Variants in TAS2R1 observed in about 807,000 individuals in gnomAD.
TAS2R1 encodes taste receptor type 2 member 1.
For synonymous variants in TAS2R1, 141 were observed against 134.2 expected, an observed-to-expected ratio of 1.05 and a Z score of -0.35; for missense variants, 370 against 353.4, an observed-to-expected ratio of 1.05 and a Z score of -0.38.
At chr5:9,726,824 G>A in the TAS2R1 span, among the ~76,000 whole-genome samples, 2 of 152,214 alleles carry the variant, frequency 1.3e-5, no homozygotes, top group Non-Finnish European at 2.9e-5. Context: ...CAGAGAAGCT[G>A]AACACGAAAG....
At chr5:9,802,269 C>T in the TAS2R1 span, among the ~76,000 whole-genome samples, 1 of 152,116 alleles carries the variant, frequency 6.6e-6, no homozygotes, top group African/African-American at 2.4e-5. Context: ...CAGATGTTCC[C>T]CAGTACCAGC....
At chr5:9,708,716 T>A (rs751972290) in intron 1 of TAS2R1, among the ~76,000 whole-genome samples, 8 of 152,184 alleles carry the variant, frequency 5.3e-5, no homozygotes, top group Non-Finnish European at 1.2e-4. Context: ...AGATAAGGCC[T>A]TTCTCTCTCC....
At chr5:9,685,105 G>T (rs1396799595) in intron 1 of TAS2R1, among the ~76,000 whole-genome samples, 1 of 152,178 alleles carries the variant, frequency 6.6e-6, no homozygotes, top group Admixed American at 6.5e-5. Context: ...TATCTGGAGA[G>T]CAGAAGGGTC....
chr5:9,741,295 G>C, the TAS2R1 span, among the ~76,000 whole-genome samples: 3 of 152,110 alleles, frequency 2.0e-5, no homozygotes, highest in Non-Finnish European at 4.4e-5. Flanking sequence ...CAGAGACAGA[G>C]ATCCAAAGAA....
chr5:9,709,587 T>C (rs2126531930), intron 1 of TAS2R1, among the ~76,000 whole-genome samples: 1 of 152,326 alleles, frequency 6.6e-6, no homozygotes, highest in East Asian at 1.9e-4. Context: ...AAAGACACTG[T>C]GGCTTCCGTC....
At chr5:9,754,357 A>T in the TAS2R1 span, among the ~76,000 whole-genome samples, 2 of 152,220 alleles carry the variant, frequency 1.3e-5, no homozygotes. Flanking sequence ...CAAGACAGGG[A>T]TGCCCTCTCT....
the TAS2R1 span, among the ~76,000 whole-genome samples, chr5:9,858,256 G>T: frequency 6.6e-6 from 1 of 152,126 alleles, no homozygotes; most frequent in African/African-American, 2.4e-5. Context: ...TAGTCCTATA[G>T]GTTCAGTCCA....
At chr5:9,862,702 C>G in the TAS2R1 span, among the ~76,000 whole-genome samples, 2 of 152,092 alleles carry the variant, frequency 1.3e-5, no homozygotes, top group Non-Finnish European at 2.9e-5. Flanking sequence ...CCATCTCTTG[C>G]CCCCTGGGCT....
At chr5:9,654,026 G>A (rs1219185956) in intron 2 of TAS2R1, among the ~76,000 whole-genome samples, 2 of 152,166 alleles carry the variant, frequency 1.3e-5, no homozygotes, top group African/African-American at 4.8e-5. Flanking sequence ...GCTCAGCTGA[G>A]CTGCTCTGGT....
the TAS2R1 span, among the ~76,000 whole-genome samples, chr5:9,780,094 C>T: frequency 1.3e-5 from 2 of 152,196 alleles, no homozygotes; most frequent in Admixed American, 6.5e-5. Context: ...TCAGTTTTCC[C>T]CCTTTCTACA....
At chr5:9,875,679 G>A in the TAS2R1 span, among the ~76,000 whole-genome samples, 3 of 152,316 alleles carry the variant, frequency 2.0e-5, no homozygotes, top group Non-Finnish European at 4.4e-5. Context: ...CAATGGCTCA[G>A]ATGTGTGGCT....
chr5:9,790,087 C>T, the TAS2R1 span, among the ~76,000 whole-genome samples: 1 of 152,214 alleles, frequency 6.6e-6, no homozygotes, highest in African/African-American at 2.4e-5. Context: ...AAGTATGCTC[C>T]TCTCACATGC....
intron 1 of TAS2R1, among the ~76,000 whole-genome samples, chr5:9,686,028 G>C (rs1265656645): frequency 1.3e-5 from 2 of 152,140 alleles, no homozygotes; most frequent in African/African-American, 4.8e-5. Context: ...ATTATGCCCA[G>C]GTAATTTTAT....
At chr5:9,735,893 C>T in the TAS2R1 span, among the ~76,000 whole-genome samples, 1 of 152,210 alleles carries the variant, frequency 6.6e-6, no homozygotes, top group East Asian at 1.9e-4. Flanking sequence ...CTCTAACTTG[C>T]TTCCACCTTC....
chr5:9,670,808 T>C (rs969515957), intron 1 of TAS2R1, among the ~76,000 whole-genome samples: 1 of 152,160 alleles, frequency 6.6e-6, no homozygotes, highest in African/African-American at 2.4e-5. Context: ...AGCATCATCC[T>C]GAAACCAAAA....
At chr5:9,757,848 G>T in the TAS2R1 span, among the ~76,000 whole-genome samples, 1 of 152,022 alleles carries the variant, frequency 6.6e-6, no homozygotes, top group Non-Finnish European at 1.5e-5. Flanking sequence ...TTAAAACTCT[G>T]TAGGAGTATT....
chr5:9,880,429 C>T, the TAS2R1 span, among the ~76,000 whole-genome samples: 4 of 152,162 alleles, frequency 2.6e-5, no homozygotes, highest in Admixed American at 6.5e-5. Flanking sequence ...TACAGTTAAA[C>T]CTAAGATTAA....
chr5:9,694,249 A>C (rs146525672), intron 1 of TAS2R1, among the ~76,000 whole-genome samples: 55 of 152,336 alleles, frequency 3.6e-4, no homozygotes, highest in African/African-American at 1.3e-3. Context: ...ACAATGAAAA[A>C]AAACAAAATC....
intron 1 of TAS2R1, among the ~76,000 whole-genome samples, chr5:9,704,732 A>G (rs903991123): frequency 2.0e-5 from 3 of 152,230 alleles, no homozygotes; most frequent in Admixed American, 1.3e-4. Flanking sequence ...CATTCTTACT[A>G]TCAGATTGCT....
Sources: allele counts gnomAD v4.1 joint callset (sites outside exome capture counted in the v4.1 genomes callset), GRCh38; gene constraint gnomAD v4.1.1; transcripts MANE v1.5; gene names NCBI Gene and HGNC (gene_info 2026-07-23, HGNC 2026-07-21).